Variants in QRSL1 observed in about 807,000 individuals in gnomAD.
The protein encoded by QRSL1 is glutaminyl-tRNA amidotransferase subunit QRSL1, also known as glutamyl-tRNA(Gln) amidotransferase subunit A, mitochondrial.
Under a neutral mutation model 61.6 loss-of-function variants are expected in QRSL1, and 54 were observed. That is an observed-to-expected ratio of 0.88 (90% confidence interval 0.70 to 1.10). The LOEUF (loss-of-function observed/expected upper bound fraction) is 1.10. Ranked by LOEUF, QRSL1 falls within the 50% of genes least tolerant of loss-of-function variation. The pLI, the probability that QRSL1 is intolerant of heterozygous loss-of-function variation, is 0.00. For missense variants in QRSL1, 505 were observed against 622.6 expected, an observed-to-expected ratio of 0.81 and a Z score of 2.01; for synonymous variants, 228 against 225.7, an observed-to-expected ratio of 1.01 and a Z score of -0.09.
At chr6:106,649,351 T>A (rs1336361262) in intron 5 of QRSL1, 150 bp downstream of exon 5, 1 of 738,244 alleles carries the variant, frequency 1.4e-6, no homozygotes, top group Non-Finnish European at 2.1e-6. Context: ...ATATCTTGAG[T>A]TGCACTCAAC....
At chr6:106,654,388 A>G (rs1777234594) in intron 7 of QRSL1, among the ~76,000 whole-genome samples, 1 of 152,170 alleles carries the variant, frequency 6.6e-6, no homozygotes. Flanking sequence ...AGGGTACCTG[A>G]TACATGAGCA....
At position 106,656,142 on chromosome 6, in the gene QRSL1, G is replaced by T. The variant is rs571277301; in HGVS notation, c.1160+410G>T. Among the ~76,000 whole-genome samples the T allele has an allele frequency of 7.9e-5, 12 of 152,322 alleles. No individual in the cohort carries two copies. The South Asian group carries it at 1.9e-3, about 24-fold the overall frequency. ...AGGGATAATTTTAAACGTGCAGGAG[G>T]TGTGCATAGGTTTTATGCAAATACT... On this transcript the variant is annotated intron_variant, in intron 9 of 10. Transcript: ENST00000369046.
chr6:106,648,238 G>A (rs571142378), intron 4 of QRSL1, among the ~76,000 whole-genome samples: 2 of 152,038 alleles, frequency 1.3e-5, no homozygotes, highest in African/African-American at 2.4e-5. Flanking sequence ...GGAGGTTGCA[G>A]TGAGCCGAGA....
intron 1 of QRSL1, among the ~76,000 whole-genome samples, chr6:106,630,501 C>G (rs1048383412): frequency 6.6e-6 from 1 of 152,158 alleles, no homozygotes; most frequent in Non-Finnish European, 1.5e-5. Context: ...TGCCCTCTTA[C>G]GTTATTTCTG....
At chr6:106,630,426 T>C (rs1776798178) in intron 1 of QRSL1, among the ~76,000 whole-genome samples, 2 of 152,236 alleles carry the variant, frequency 1.3e-5, no homozygotes, top group South Asian at 4.1e-4. Context: ...AGATTCTTCC[T>C]CATCTTTCAT....
At position 106,640,828 on chromosome 6, in the gene QRSL1, T is replaced by C; in HGVS notation, c.190T>C (p.Ser64Pro). ...CTTTTGGCTTTTTAATGCAGGACAG[T>C]CACTTGGGGATTTAGATGGAATTCC... ...ESEKRYKNGQ[S>P]LGDLDGIPIA... The change falls in exon 3 of 11, where the codon TCA (serine) becomes CCA (proline). Residue 64 changes from serine (S) to proline (P), a missense_variant. Physicochemically the swap from Ser to Pro is moderately conservative, Grantham distance 74. Transcript: ENST00000369046. 1 of 1,613,288 alleles carries C rather than the reference T, an allele frequency of 6.2e-7. No homozygotes were observed. The highest frequency in any genetic ancestry group is 8.5e-7 in the Non-Finnish European group (1 of 1,179,498).
rs1381343970 is a variant in QRSL1 at position 106,666,790 on chromosome 6, CA to C, written c.*789del. The C allele has an allele frequency of 6.6e-6, 1 of 152,234 alleles. No homozygotes were observed. The highest frequency in any genetic ancestry group is 1.9e-4 in the East Asian group (1 of 5,190). The allele number at this position is 152,234 out of a possible 1,614,324, so 9.4% of individuals were successfully genotyped here. A position where few individuals can be genotyped will look rare whatever the true frequency, so the allele number is the denominator to read the frequency against. On this transcript the variant is annotated 3_prime_UTR_variant, in exon 11 of 11. Transcript: ENST00000369046. ...ATTGGCTTCTGAGCGCTGAGCAGAG[CA>C]GGTGGAAGAGGAACTTTGAGCACAG...
intron 9 of QRSL1, among the ~76,000 whole-genome samples, chr6:106,657,085 A>C (rs559479784): frequency 2.6e-5 from 4 of 152,330 alleles, no homozygotes; most frequent in Non-Finnish European, 5.9e-5. Context: ...GCTGGCCAAC[A>C]TGATGAAAGC....
intron 1 of QRSL1, among the ~76,000 whole-genome samples, chr6:106,636,526 G>A (rs111584665): frequency 0.024 from 3,609 of 152,052 alleles, 61 homozygotes; most frequent in Non-Finnish European, 0.036. Context: ...TCACCGTGTT[G>A]GCCAGGATGG....
chr6:106,656,233 C>T (rs1777269329), intron 9 of QRSL1, among the ~76,000 whole-genome samples: 1 of 152,130 alleles, frequency 6.6e-6, no homozygotes, highest in South Asian at 2.1e-4. Context: ...TGGTACCAAA[C>T]CCCCAACGGA....
At chr6:106,656,703 CT>C (rs1226174219) in intron 9 of QRSL1, among the ~76,000 whole-genome samples, 2 of 152,236 alleles carry the variant, frequency 1.3e-5, no homozygotes, top group Non-Finnish European at 2.9e-5. Context: ...GTCACCCAGG[CT>C]GTAGTGCAGT....
chr6:106,650,866 T>C (rs577751634), intron 5 of QRSL1, among the ~76,000 whole-genome samples: 10 of 152,214 alleles, frequency 6.6e-5, no homozygotes, highest in Non-Finnish European at 1.0e-4. Flanking sequence ...CATATAGTTA[T>C]ATAATATTTT....
rs543711932 is a variant in QRSL1, at chr6:106,635,825, C to T, written c.25-4524C>T. Among the ~76,000 whole-genome samples the T allele has an allele frequency of 9.9e-5, 15 of 151,306 alleles. No homozygotes were observed. In the South Asian group the frequency reaches 2.1e-3, roughly 21 times the overall value. On this transcript the variant is annotated intron_variant, in intron 1 of 10. Coordinates refer to ENST00000369046, the MANE Select transcript of QRSL1 (RefSeq NM_018292.5). ...GGCCAAGGTTGCAGTGAGCCGAGAT[C>T]GCACCACTGCACTCCAGCCTGGGCA...
At position 106,655,689 on chromosome 6, in the gene QRSL1, G is replaced by A; in HGVS notation, c.1117G>A (p.Val373Met). Residue 373 changes from valine (V) to methionine (M), a missense_variant, in exon 9 of 11, where the codon GTG (valine) becomes ATG (methionine). Val to Met is a conservative substitution (Grantham distance 21). Transcript: ENST00000369046. ...CAGACGAGAAGGGTTTAATGATGTG[G>A]TGAGAGGAAGAATTCTCTCAGGAAA... The part of the protein sequence containing the change: ...ATRREGFNDV[V>M]RGRILSGNFF... The A allele has an allele frequency of 1.9e-6, 3 of 1,613,316 alleles. No individual in the cohort carries two copies. Among genetic ancestry groups the A allele is most frequent in the African/African-American group, 1.3e-5 (1 of 75,006 alleles).
At chr6:106,660,138 G>A (rs1277368727) in intron 9 of QRSL1, among the ~76,000 whole-genome samples, 1 of 151,504 alleles carries the variant, frequency 6.6e-6, no homozygotes, top group East Asian at 1.9e-4. Flanking sequence ...TCTCTGGAAT[G>A]AGGCCTGAAA....
chr6:106,650,059 T>A (rs1436559893), intron 5 of QRSL1, among the ~76,000 whole-genome samples: 2 of 152,188 alleles, frequency 1.3e-5, no homozygotes, highest in African/African-American at 4.8e-5. Flanking sequence ...AAAATCTTAT[T>A]AACAAGTAAA....
At chr6:106,636,524 T>C (rs1776923837) in intron 1 of QRSL1, among the ~76,000 whole-genome samples, 2 of 152,080 alleles carry the variant, frequency 1.3e-5, no homozygotes, top group Admixed American at 6.5e-5. Context: ...TTTCACCGTG[T>C]TGGCCAGGAT....
rs931726971 is a variant in QRSL1, at chr6:106,644,809, G to A, written c.380+1719G>A. 6.2e-4 allele frequency among the ~76,000 whole-genome samples: 95 copies of A among 152,156 alleles called. 1 individual carries two copies. The highest frequency in any genetic ancestry group is 2.9e-5 in the Non-Finnish European group (2 of 68,032). ...GCTGGGATCATAGACGTGAGCCATCGTGCCTGGCCAAGAAATCTTTACCTA... is the reference window on the plus strand; with the variant it reads ...GCTGGGATCATAGACGTGAGCCATCATGCCTGGCCAAGAAATCTTTACCTA... On this transcript the variant is annotated intron_variant, in intron 4 of 10. Coordinates refer to ENST00000369046, the MANE Select transcript of QRSL1 (RefSeq NM_018292.5).
intron 1 of QRSL1, among the ~76,000 whole-genome samples, chr6:106,633,234 C>T (rs1332302731): frequency 6.6e-6 from 1 of 152,186 alleles, no homozygotes; most frequent in Non-Finnish European, 1.5e-5. Flanking sequence ...TCTAAAACTA[C>T]CTTCTGTCTA....
Sources: gnomAD v4.1 joint callset for allele counts (sites outside exome capture counted in the v4.1 genomes callset) on GRCh38, gnomAD v4.1.1 for gene constraint, MANE v1.5 for transcripts, NCBI Gene and HGNC (gene_info 2026-07-23, HGNC 2026-07-21) for gene names.